WDHD1: variants seen among roughly 807,000 people sequenced by gnomAD.
WDHD1 encodes the protein WD repeat and HMG-box DNA binding protein 1.
A neutral mutation model predicts 135.4 loss-of-function variants in WDHD1; 111 were observed. The observed-to-expected ratio is 0.82, with a 90% CI of 0.70 to 0.96. The LOEUF (loss-of-function observed/expected upper bound fraction) is 0.96, where lower values mean the gene tolerates loss of function less well. WDHD1 is among the 40% of genes least tolerant of loss of function. WDHD1 has a pLI of 0.00. For synonymous variants in WDHD1, 434 were observed against 439.0 expected, an observed-to-expected ratio of 0.99 and a Z score of 0.14; for missense variants, 1,351 against 1,336.3, an observed-to-expected ratio of 1.01 and a Z score of -0.17.
Position 54,944,253 on chromosome 14 carries a change from C to G in WDHD1, c.3189+79G>C. The G allele has an allele frequency of 1.9e-6, 3 of 1,570,474 alleles. No homozygotes were observed. In the South Asian group the frequency reaches 3.5e-5, roughly 18 times the overall value. ...GATTACAGGCATAAGACACCATACC[C>G]AGCCAAAAGGCATTTCTATAAGAAT... is the stretch of plus-strand genomic sequence containing the variant. On this transcript the variant is annotated intron_variant, in intron 25 of 25. Coordinates refer to ENST00000360586, the MANE Select transcript of WDHD1 (RefSeq NM_007086.4).
chr14:54,997,082 G>C (rs993068028), intron 10 of WDHD1, among the ~76,000 whole-genome samples: 1 of 131,094 alleles, frequency 7.6e-6, no homozygotes, highest in African/African-American at 2.9e-5. Context: ...GAGCCACAGC[G>C]CCCAGCCTTT....
intron 15 of WDHD1, among the ~76,000 whole-genome samples, chr14:54,983,261 T>C (rs1396146415): frequency 6.6e-6 from 1 of 152,016 alleles, no homozygotes; most frequent in East Asian, 1.9e-4. Context: ...TGGTCTAAAA[T>C]AGCACTTATC....
rs2041466602 is a variant in WDHD1, at chr14:54,973,004, AT to A, written c.2064-5611del. Among the ~76,000 whole-genome samples, 3 of 151,724 alleles carry A rather than the reference AT, an allele frequency of 2.0e-5. No individual in the cohort carries two copies. The South Asian group carries it at 6.2e-4, about 32-fold the overall frequency. ...ATCATGAGTAGTGCTCTCGCAGCTG[AT>A]TTATTAAAAAGCATTAATTAATCAC... On this transcript the variant is annotated intron_variant, in intron 16 of 25. Transcript: ENST00000360586.
chr14:54,986,662 T>A (rs1357480043), intron 14 of WDHD1, among the ~76,000 whole-genome samples: 1 of 152,102 alleles, frequency 6.6e-6, no homozygotes, highest in Non-Finnish European at 1.5e-5. Context: ...ACAGAAGTCA[T>A]GAGAAGAAGG....
At chr14:54,947,679 T>C (rs529389576) in intron 24 of WDHD1, among the ~76,000 whole-genome samples, 113 of 151,866 alleles carry the variant, frequency 7.4e-4, no homozygotes, top group African/African-American at 2.6e-3. Context: ...GCAGCCTCCG[T>C]CTCCTGTGTT....
intron 18 of WDHD1, among the ~76,000 whole-genome samples, chr14:54,963,519 G>A (rs540758899): frequency 6.6e-6 from 1 of 151,944 alleles, no homozygotes; most frequent in East Asian, 1.9e-4. Flanking sequence ...AAATTCAAGG[G>A]GGAGGCTGGG....
intron 13 of WDHD1, 41 bp downstream of exon 13, chr14:54,988,987 G>C (rs746963566): frequency 5.1e-6 from 8 of 1,559,274 alleles, no homozygotes; most frequent in Non-Finnish European, 6.1e-6. Flanking sequence ...GTATCTAACA[G>C]TTCAACAGTG....
In WDHD1 at chr14:54,948,284, G is replaced by A. The variant is rs551110239; in HGVS notation, c.3051-3814C>T. Among the ~76,000 whole-genome samples the A allele has an allele frequency of 6.6e-5, 10 of 152,276 alleles. No homozygotes were observed. The South Asian group carries it at 2.1e-3, about 32-fold the overall frequency. On this transcript the variant is annotated intron_variant, in intron 24 of 25. Coordinates refer to ENST00000360586, the MANE Select transcript of WDHD1 (RefSeq NM_007086.4). ...CTCACCCGGGAAGCGCAAGGGGTCA[G>A]AAAATTCCCTTTCCTAGCCAAGCAA... is the stretch of plus-strand genomic sequence containing the variant.
intron 24 of WDHD1, among the ~76,000 whole-genome samples, chr14:54,945,190 C>G (rs563685851): frequency 6.6e-6 from 1 of 152,304 alleles, no homozygotes; most frequent in African/African-American, 2.4e-5. Context: ...TCGCCTCACC[C>G]TTGCTCTCAG....
At chr14:54,963,263 A>G in intron 18 of WDHD1, 91 bp from the exon 19 acceptor site, 1 of 996,688 alleles carries the variant, frequency 1.0e-6, no homozygotes, top group South Asian at 1.5e-5. Flanking sequence ...CTGAGACAAT[A>G]GTTTTCTAGC....
In WDHD1 at chr14:55,008,370, C is replaced by T. The variant is rs75937340; in HGVS notation, c.454-4G>A. On this transcript the variant is annotated splice_region_variant and splice_polypyrimidine_tract_variant and intron_variant, in intron 5 of 25. Transcript: ENST00000360586. The stretch of plus-strand genomic sequence containing the variant: ...ATCCATCACAACTAGCTGATGCCTG[C>T]AGGAATAAACAATACATTTCTCTAT... The T allele has an allele frequency of 5.6e-6, 9 of 1,613,046 alleles. No homozygotes were observed. The highest frequency in any genetic ancestry group is 7.6e-6 in the Non-Finnish European group (9 of 1,179,554).
chr14:54,987,301 A>G lies in WDHD1; in HGVS notation c.1613T>C (p.Ile538Thr). 1 of 1,614,124 alleles carries G rather than the reference A, an allele frequency of 6.2e-7. No homozygotes were observed. Among genetic ancestry groups the G allele is most frequent in the Non-Finnish European group, 8.5e-7 (1 of 1,180,020 alleles). Reference sequence around the variant, plus strand: ...AGCAGCCCATCCTTGACCGAGACATATGGCTTCAATATCCTCATTCTGAGG... The same window carrying G: ...AGCAGCCCATCCTTGACCGAGACATGTGGCTTCAATATCCTCATTCTGAGG... ...DLPQNEDIEA[I>T]CLGQGWAAAA... The change falls in exon 14 of 26, where the codon ATA (isoleucine) becomes ACA (threonine). Residue 538 changes from isoleucine (I) to threonine (T), a missense_variant. Physicochemically the swap from Ile to Thr is moderately conservative, Grantham distance 89. Around this residue, in one of 2 missense-constraint regions of WDHD1, gnomAD observed 1,330 missense variants for 1,296.1 expected, o/e 1.03. Coordinates refer to ENST00000360586, the MANE Select transcript of WDHD1 (RefSeq NM_007086.4).
At chr14:55,024,213 G>T (rs1260727217) in intron 2 of WDHD1, among the ~76,000 whole-genome samples, 1 of 152,110 alleles carries the variant, frequency 6.6e-6, no homozygotes, top group Non-Finnish European at 1.5e-5. Flanking sequence ...CTCTGAGCTT[G>T]AGACACAATT....
At chr14:54,969,343 G>GAAA (rs141857558) in intron 16 of WDHD1, among the ~76,000 whole-genome samples, 12 of 119,528 alleles carry the variant, frequency 1.0e-4, no homozygotes, top group Non-Finnish European at 7.3e-5. Flanking sequence ...TCCGTTTCAA[G>GAAA]AAAAAAAAAA....
At chr14:54,983,083 G>A (rs1471958773) in intron 15 of WDHD1, among the ~76,000 whole-genome samples, 1 of 152,136 alleles carries the variant, frequency 6.6e-6, no homozygotes, top group African/African-American at 2.4e-5. Flanking sequence ...AGAATCACTT[G>A]AACCCAGAAG....
intron 21 of WDHD1, among the ~76,000 whole-genome samples, chr14:54,961,325 AAAAAT>A (rs1373140734): frequency 6.6e-6 from 1 of 152,226 alleles, no homozygotes; most frequent in East Asian, 1.9e-4. Context: ...CTCTATTAAA[AAAAAT>A]AAAATAAAAT....
At chr14:54,978,431 A>T (rs939957685) in intron 16 of WDHD1, among the ~76,000 whole-genome samples, 3 of 152,084 alleles carry the variant, frequency 2.0e-5, no homozygotes, top group African/African-American at 7.2e-5. Context: ...AAATATTTTT[A>T]AAAATTAGCC....
chr14:54,969,969 T>A (rs1191023001), intron 16 of WDHD1, among the ~76,000 whole-genome samples: 1 of 152,228 alleles, frequency 6.6e-6, no homozygotes, highest in Non-Finnish European at 1.5e-5. Flanking sequence ...TCTCAATAGA[T>A]GCAGAAAAAG....
chr14:54,970,972 A>C (rs927980146), intron 16 of WDHD1, among the ~76,000 whole-genome samples: 1 of 152,212 alleles, frequency 6.6e-6, no homozygotes, highest in African/African-American at 2.4e-5. Flanking sequence ...GAAAGCTGAC[A>C]AAAACAAGGA....
Sources: allele counts gnomAD v4.1 joint callset (sites outside exome capture counted in the v4.1 genomes callset), GRCh38; gene constraint gnomAD v4.1.1; regional missense constraint gnomAD v4.1.1; transcripts MANE v1.5; gene names NCBI Gene and HGNC (gene_info 2026-07-23, HGNC 2026-07-21).